The following ATP8B4 variants were observed in gnomAD, a reference collection of about 807,000 sequenced individuals.
ATP8B4 encodes ATPase phospholipid transporting 8B4 (putative), also known as probable phospholipid-transporting ATPase IM.
Under a neutral mutation model 145.6 loss-of-function variants are expected in ATP8B4, and 133 were observed. The observed-to-expected ratio is 0.91, with a 90% CI of 0.79 to 1.05. ATP8B4 has a LOEUF of 1.05. Among genes scored for constraint, ATP8B4 ranks in the 50% least tolerant of loss-of-function variants. The pLI is 0.00. For synonymous variants in ATP8B4, 507 were observed against 492.9 expected, an observed-to-expected ratio of 1.03 and a Z score of -0.38; for missense variants, 1,458 against 1,425.2, an observed-to-expected ratio of 1.02 and a Z score of -0.37.
At chr15:49,966,078 G>A (rs1341007798) in intron 13 of ATP8B4, among the ~76,000 whole-genome samples, 2 of 152,186 alleles carry the variant, frequency 1.3e-5, no homozygotes, top group African/African-American at 2.4e-5. Context: ...GAAGAACGGT[G>A]CATTCCAGCC....
intron 1 of ATP8B4, among the ~76,000 whole-genome samples, chr15:50,129,818 C>G (rs1428467818): frequency 6.6e-6 from 1 of 151,816 alleles, no homozygotes; most frequent in Non-Finnish European, 1.5e-5. Context: ...CATGGTGGCA[C>G]GTGCCTGTAG....
rs1349982057 is a variant in ATP8B4 at position 50,086,089 on chromosome 15, T to A, written c.29-11904A>T. 1.3e-4 allele frequency among the ~76,000 whole-genome samples: 15 copies of A among 113,130 alleles called. 3 individuals carry two copies. Among genetic ancestry groups the A allele is most frequent in the Admixed American group, 9.0e-4 (8 of 8,936 alleles). The allele number at this position is 113,130 out of a possible 152,430, so 74.2% of individuals were successfully genotyped here. On this transcript the variant is annotated intron_variant, in intron 2 of 27. Coordinates refer to ENST00000284509, the MANE Select transcript of ATP8B4 (RefSeq NM_024837.4). ...ATATATAATAAATATAGAACTATAC[T>A]TATTATATATAATAAAATAAATATA...
chr15:49,879,462 G>C lies in ATP8B4; in HGVS notation c.2698-3C>G, dbSNP rs377471952. 9.4e-6 allele frequency: 15 copies of C among 1,593,506 alleles called. No homozygotes were observed. The African/African-American group carries it at 1.8e-4, about 19-fold the overall frequency. On this transcript the variant is annotated splice_region_variant and splice_polypyrimidine_tract_variant and intron_variant, in intron 23 of 27. Transcript: ENST00000284509. ...ATGAACCACTGGTCATAAACAGTCT[G>C]AAAAGAAATATAACATATAAGTGAG...
At chr15:50,093,153 GA>G in intron 2 of ATP8B4, among the ~76,000 whole-genome samples, 1 of 150,934 alleles carries the variant, frequency 6.6e-6, no homozygotes, top group Non-Finnish European at 1.5e-5. Flanking sequence ...TTTTCTAACT[GA>G]CAAAAAGTGA....
Position 49,927,897 on chromosome 15 carries a change from T to C in ATP8B4, c.1642+3222A>G, listed in dbSNP as rs181263092. ...AAAAATAAAAATAAACATTCTCAGA[T>C]GTTATTTGGTTTTTACCTGCTGAGA... is the stretch of plus-strand genomic sequence containing the variant. On this transcript the variant is annotated intron_variant, in intron 16 of 27. Transcript: ENST00000284509. Among the ~76,000 whole-genome samples, 136 of 152,272 alleles carry C rather than the reference T, an allele frequency of 8.9e-4. 1 individual carries two copies. The highest frequency in any genetic ancestry group is 3.1e-3 in the African/African-American group (130 of 41,552).
At chr15:49,946,474 T>A (rs1452620553) in intron 14 of ATP8B4, among the ~76,000 whole-genome samples, 3 of 152,198 alleles carry the variant, frequency 2.0e-5, no homozygotes, top group Non-Finnish European at 4.4e-5. Flanking sequence ...CTTAGAAGCA[T>A]CTTCTCTTGC....
chr15:50,138,762 C>T (rs2044166229), intron 1 of ATP8B4, among the ~76,000 whole-genome samples: 1 of 152,146 alleles, frequency 6.6e-6, no homozygotes. Flanking sequence ...ATCTTTTTCT[C>T]CCTTTATTGT....
At chr15:50,007,444 C>G (rs2048390355) in intron 7 of ATP8B4, among the ~76,000 whole-genome samples, 1 of 152,178 alleles carries the variant, frequency 6.6e-6, no homozygotes, top group South Asian at 2.1e-4. Context: ...TCCTGAATGT[C>G]CCATTGGCGA....
chr15:49,941,713 T>A (rs1311918955), intron 14 of ATP8B4, among the ~76,000 whole-genome samples: 1 of 152,128 alleles, frequency 6.6e-6, no homozygotes. Context: ...GGAAAATAAG[T>A]CATCATATAA....
intron 14 of ATP8B4, among the ~76,000 whole-genome samples, chr15:49,959,666 G>A (rs1370958305): frequency 6.6e-6 from 1 of 151,734 alleles, no homozygotes; most frequent in African/African-American, 2.4e-5. Context: ...CATATTAAGA[G>A]GCATAATGGA....
intron 2 of ATP8B4, among the ~76,000 whole-genome samples, chr15:50,100,236 G>T (rs564978375): frequency 1.3e-5 from 2 of 152,206 alleles, no homozygotes; most frequent in African/African-American, 4.8e-5. Context: ...ATTAAAGGCT[G>T]CAGACGTGAA....
intron 3 of ATP8B4, among the ~76,000 whole-genome samples, chr15:50,070,013 A>T (rs1463937819): frequency 1.3e-5 from 2 of 152,200 alleles, no homozygotes; most frequent in East Asian, 3.8e-4. Flanking sequence ...TCCATATATT[A>T]AAAAAGGTAA....
intron 9 of ATP8B4, among the ~76,000 whole-genome samples, chr15:49,988,247 G>A (rs763919902): frequency 2.0e-5 from 3 of 152,056 alleles, no homozygotes; most frequent in Non-Finnish European, 4.4e-5. Context: ...GAATCAATTC[G>A]TTCCATTATT....
At chr15:50,055,406 C>T (rs1253995195) in intron 3 of ATP8B4, among the ~76,000 whole-genome samples, 1 of 152,152 alleles carries the variant, frequency 6.6e-6, no homozygotes, top group East Asian at 1.9e-4. Context: ...TTACTTGTAT[C>T]TCTATGTTTG....
At chr15:50,078,813 C>A (rs2054355193) in intron 2 of ATP8B4, among the ~76,000 whole-genome samples, 1 of 152,146 alleles carries the variant, frequency 6.6e-6, no homozygotes, top group Non-Finnish European at 1.5e-5. Context: ...TGACATTTCT[C>A]ATCAGCAATA....
rs189660240 is a variant in ATP8B4, at chr15:49,902,904, C to T, written c.2142-1665G>A. Among the ~76,000 whole-genome samples, 348 of 152,290 alleles carry T rather than the reference C, an allele frequency of 2.3e-3. 1 individual carries two copies. Among genetic ancestry groups the T allele is most frequent in the Non-Finnish European group, 3.2e-3 (216 of 68,012 alleles). On this transcript the variant is annotated intron_variant, in intron 20 of 27. Coordinates refer to ENST00000284509, the MANE Select transcript of ATP8B4 (RefSeq NM_024837.4). ...TCCTTTTGAGTAAAGTTCTCACTCG[C>T]TGTATAAATGACTCAATCTGTTTTC... is the stretch of plus-strand genomic sequence containing the variant.
At chr15:49,924,953 T>C (rs1442236154) in intron 16 of ATP8B4, among the ~76,000 whole-genome samples, 2 of 152,198 alleles carry the variant, frequency 1.3e-5, no homozygotes, top group African/African-American at 4.8e-5. Flanking sequence ...TTTTCTCCCT[T>C]CCAACACCAG....
At chr15:50,049,731 T>G (rs1342202255) in intron 3 of ATP8B4, among the ~76,000 whole-genome samples, 1 of 152,210 alleles carries the variant, frequency 6.6e-6, no homozygotes, top group Non-Finnish European at 1.5e-5. Flanking sequence ...TGCCACACTG[T>G]TTTCCACAAT....
At chr15:49,935,469 T>C (rs1174159444) in intron 14 of ATP8B4, among the ~76,000 whole-genome samples, 1 of 152,174 alleles carries the variant, frequency 6.6e-6, no homozygotes, top group African/African-American at 2.4e-5. Flanking sequence ...ACTAATATAA[T>C]AACGGCTGCC....
Sources: allele counts gnomAD v4.1 joint callset (sites outside exome capture counted in the v4.1 genomes callset), GRCh38; gene constraint gnomAD v4.1.1; transcripts MANE v1.5; gene names NCBI Gene and HGNC (gene_info 2026-07-23, HGNC 2026-07-21).